VWA8: variants seen among roughly 807,000 people sequenced by gnomAD.
VWA8 encodes von Willebrand factor A domain-containing protein 8.
Under a neutral mutation model 241.5 loss-of-function variants are expected in VWA8, and 221 were observed. That is an observed-to-expected ratio of 0.91 (90% CI 0.82 to 1.02). The LOEUF (loss-of-function observed/expected upper bound fraction) is 1.02, where lower values mean the gene tolerates loss of function less well. VWA8 is among the 50% of genes least tolerant of loss of function. The pLI, the probability that VWA8 is intolerant of heterozygous loss-of-function variation, is 0.00. For synonymous variants in VWA8, 852 were observed against 827.1 expected, an observed-to-expected ratio of 1.03 and a Z score of -0.52; for missense variants, 2,322 against 2,328.7, an observed-to-expected ratio of 1.00 and a Z score of 0.06.
chr13:41,675,111 C>T (rs972779492), intron 36 of VWA8, 104 bp downstream of exon 36: 1 of 651,968 alleles, frequency 1.5e-6, no homozygotes, highest in Non-Finnish European at 2.5e-6. Context: ...AAAGAGCTTG[C>T]TATTTAAAGA....
chr13:41,840,862 G>C (rs942427846), intron 12 of VWA8, among the ~76,000 whole-genome samples: 1 of 151,964 alleles, frequency 6.6e-6, no homozygotes, highest in African/African-American at 2.4e-5. Context: ...TTTGTTTCAT[G>C]GGTCAGGTCA....
intron 17 of VWA8, among the ~76,000 whole-genome samples, chr13:41,805,812 CT>C (rs1361978026): frequency 2.6e-5 from 4 of 151,104 alleles, no homozygotes; most frequent in Non-Finnish European, 5.9e-5. Flanking sequence ...AAAACTTCAT[CT>C]CAAAAAAAAA....
intron 21 of VWA8, among the ~76,000 whole-genome samples, chr13:41,733,935 A>G (rs963789021): frequency 1.3e-5 from 2 of 152,242 alleles, no homozygotes; most frequent in Non-Finnish European, 2.9e-5. Flanking sequence ...GATAAAACAC[A>G]TGGACTTTCA....
In VWA8 at chr13:41,741,114, C is replaced by T. The variant is rs187055594; in HGVS notation, c.2427-8959G>A. On this transcript the variant is annotated intron_variant, in intron 21 of 44. Transcript: ENST00000379310. Reference sequence around the variant, plus strand: ...TTAACACTATGTAAAATACTTATTACGTATTTTAACGATCTCATTCTCCCT... The same window carrying T: ...TTAACACTATGTAAAATACTTATTATGTATTTTAACGATCTCATTCTCCCT... Among the ~76,000 whole-genome samples the T allele has an allele frequency of 2.4e-4, 36 of 152,218 alleles. 1 individual carries two copies. The highest frequency in any genetic ancestry group is 6.2e-4 in the South Asian group (3 of 4,822).
intron 37 of VWA8, among the ~76,000 whole-genome samples, chr13:41,620,732 T>C (rs575878596): frequency 1.4e-4 from 22 of 152,338 alleles, no homozygotes; most frequent in African/African-American, 4.8e-4. Context: ...TGGCTGGTTT[T>C]TAATATCTTT....
At chr13:41,578,405 C>T (rs761051081) in intron 42 of VWA8, among the ~76,000 whole-genome samples, 1 of 152,056 alleles carries the variant, frequency 6.6e-6, no homozygotes, top group Non-Finnish European at 1.5e-5. Context: ...GGACCATTCC[C>T]TGGCGTTACT....
At chr13:41,714,013 T>C (rs1566425416) in intron 26 of VWA8, among the ~76,000 whole-genome samples, 1 of 152,058 alleles carries the variant, frequency 6.6e-6, no homozygotes, top group Non-Finnish European at 1.5e-5. Context: ...TATTTTTCAG[T>C]GCATGAAATA....
chr13:41,909,956 C>T (rs1316761727), intron 3 of VWA8, among the ~76,000 whole-genome samples: 1 of 152,202 alleles, frequency 6.6e-6, no homozygotes, highest in Non-Finnish European at 1.5e-5. Flanking sequence ...ATCTCATCCA[C>T]TCTGGCTATC....
chr13:41,867,403 C>G lies in VWA8; in HGVS notation c.1212+943G>C, dbSNP rs546964820. ...CAGCTAGATGAACCATTCATCTGAACAAAACAGAGAGTATAGTGGGGAACT... is the reference window on the plus strand; with the variant it reads ...CAGCTAGATGAACCATTCATCTGAAGAAAACAGAGAGTATAGTGGGGAACT... On this transcript the variant is annotated intron_variant, in intron 10 of 44. Transcript: ENST00000379310. Among the ~76,000 whole-genome samples the G allele has an allele frequency of 1.7e-3, 262 of 152,288 alleles. 2 individuals are homozygous for G. The highest frequency in any genetic ancestry group is 5.8e-3 in the African/African-American group (241 of 41,548).
chr13:41,786,098 T>G (rs912844211), intron 18 of VWA8, among the ~76,000 whole-genome samples: 2 of 152,168 alleles, frequency 1.3e-5, no homozygotes. Context: ...AATGGCATTA[T>G]TTTGGTACAT....
chr13:41,748,134 C>T (rs1362189807), intron 21 of VWA8, among the ~76,000 whole-genome samples: 2 of 152,110 alleles, frequency 1.3e-5, no homozygotes, highest in African/African-American at 4.8e-5. Context: ...GGGAGGATTC[C>T]CTCTTTTTCT....
At chr13:41,767,938 G>GA (rs1301065055) in intron 20 of VWA8, among the ~76,000 whole-genome samples, 1 of 152,114 alleles carries the variant, frequency 6.6e-6, no homozygotes, top group African/African-American at 2.4e-5. Flanking sequence ...ATAAATTCAA[G>GA]AAAAAATATT....
intron 20 of VWA8, among the ~76,000 whole-genome samples, chr13:41,770,461 A>G (rs1213594088): frequency 6.7e-6 from 1 of 149,894 alleles, no homozygotes; most frequent in Non-Finnish European, 1.5e-5. Flanking sequence ...AAAAAAAGAA[A>G]AGAAACTGTA....
chr13:41,816,398 A>G (rs1870694198), intron 16 of VWA8, among the ~76,000 whole-genome samples: 1 of 152,216 alleles, frequency 6.6e-6, no homozygotes, highest in South Asian at 2.1e-4. Flanking sequence ...ACTTGAAGCC[A>G]TAAGAATAGA....
intron 40 of VWA8, among the ~76,000 whole-genome samples, chr13:41,603,896 G>A (rs984156102): frequency 1.3e-5 from 2 of 152,014 alleles, no homozygotes; most frequent in African/African-American, 4.8e-5. Flanking sequence ...TCCTCATTTC[G>A]TCTCATAGCA....
chr13:41,827,648 T>A (rs1276305360), intron 14 of VWA8, among the ~76,000 whole-genome samples: 1 of 152,210 alleles, frequency 6.6e-6, no homozygotes, highest in African/African-American at 2.4e-5. Flanking sequence ...AAAGCATTGC[T>A]ATGATCTCTC....
intron 37 of VWA8, among the ~76,000 whole-genome samples, chr13:41,633,902 C>CTA (rs1197167283): frequency 6.6e-6 from 1 of 152,152 alleles, no homozygotes; most frequent in African/African-American, 2.4e-5. Flanking sequence ...CCTAAAAAGA[C>CTA]TAGAGTCCTG....
intron 8 of VWA8, 40 bp downstream of exon 8, chr13:41,885,880 A>T: frequency 7.0e-7 from 1 of 1,424,134 alleles, no homozygotes; most frequent in South Asian, 1.3e-5. Flanking sequence ...AAAATTTTTA[A>T]CATATTTGGG....
At position 41,774,582 on chromosome 13, in the gene VWA8, A is replaced by G. The variant is rs76731659; in HGVS notation, c.2349+3403T>C. 6.1e-3 allele frequency among the ~76,000 whole-genome samples: 936 copies of G among 152,340 alleles called. 8 individuals are homozygous for G. The highest frequency in any genetic ancestry group is 0.022 in the African/African-American group (894 of 41,566). ...TCTCTTTTTCATAGAGATGGTGGGT[A>G]AATACATAAATCTAACTAAATCCCA... On this transcript the variant is annotated intron_variant, in intron 20 of 44. Transcript: ENST00000379310.
Sources: gnomAD v4.1 joint callset for allele counts (sites outside exome capture counted in the v4.1 genomes callset) on GRCh38, gnomAD v4.1.1 for gene constraint, MANE v1.5 for transcripts, NCBI Gene and HGNC (gene_info 2026-07-23, HGNC 2026-07-21) for gene names.